GRID2: variants seen among roughly 807,000 people sequenced by gnomAD.
The protein encoded by GRID2 is glutamate receptor ionotropic, delta-2.
A neutral mutation model predicts 114.8 loss-of-function variants in GRID2; 33 were observed. The ratio of observed to expected loss-of-function variants is 0.29; its 90% CI spans 0.22 to 0.38. GRID2 has a LOEUF of 0.38. GRID2 is among the 10% of genes least tolerant of loss of function. The probability of loss-of-function intolerance (pLI) is 1.00; values close to 1 mark genes in which losing one functional copy is unlikely to be tolerated. For synonymous variants in GRID2, 505 were observed against 449.9 expected (o/e 1.12, Z -1.55); for missense variants, 1,184 against 1,257.7 (o/e 0.94, Z 0.89).
chr4:93,173,291 C>T (rs1471927117), intron 4 of GRID2, among the ~76,000 whole-genome samples: 2 of 152,016 alleles, frequency 1.3e-5, no homozygotes, highest in Non-Finnish European at 2.9e-5. Context: ...CATTTTTAAG[C>T]ACCATTTTTA....
chr4:93,134,685 A>T (rs114181999), intron 4 of GRID2, among the ~76,000 whole-genome samples: 4,384 of 152,214 alleles, frequency 0.029, 80 homozygotes, highest in Middle Eastern at 0.085. Context: ...CATTTTAATG[A>T]AAATTAAAAT....
In GRID2 at chr4:93,772,756, TC is replaced by T. The variant is rs1734210892; in HGVS notation, c.*260del. On this transcript the variant is annotated 3_prime_UTR_variant, in exon 16 of 16. Transcript: ENST00000282020. ...TCCCCAAGAAGGTAGTGTACTAGGA[TC>T]CTATTAGTCTGCTTTTCATATACTG... 1 of 451,190 alleles carries T rather than the reference TC, an allele frequency of 2.2e-6. No homozygotes were observed. The highest frequency in any genetic ancestry group is 3.9e-6 in the Non-Finnish European group (1 of 256,104). The allele number at this position is 451,190 out of a possible 1,614,324, so 27.9% of individuals were successfully genotyped here. A position where few individuals can be genotyped will look rare whatever the true frequency, so the allele number is the denominator to read the frequency against.
intron 2 of GRID2, among the ~76,000 whole-genome samples, chr4:93,004,501 T>A (rs550039946): frequency 6.6e-6 from 1 of 152,120 alleles, no homozygotes; most frequent in Non-Finnish European, 1.5e-5. Context: ...CCTGCAATTA[T>A]CCCCCTACAA....
Position 93,417,417 on chromosome 4 carries a change from A to T in GRID2, c.1348-5354A>T, listed in dbSNP as rs929431066. Reference sequence around the variant, plus strand: ...GTTTACATATTTTTATCCTTATTTGATATCGCAATATAACATGTATACAGA... The same window carrying T: ...GTTTACATATTTTTATCCTTATTTGTTATCGCAATATAACATGTATACAGA... On this transcript the variant is annotated intron_variant, in intron 9 of 15. Coordinates refer to ENST00000282020, the MANE Select transcript of GRID2 (RefSeq NM_001510.4). Among the ~76,000 whole-genome samples the T allele has an allele frequency of 2.6e-5, 4 of 152,026 alleles. No homozygotes were observed. In the East Asian group the frequency reaches 7.7e-4, roughly 29 times the overall value.
At chr4:93,083,284 A>G (rs1730036487) in intron 2 of GRID2, among the ~76,000 whole-genome samples, 1 of 152,168 alleles carries the variant, frequency 6.6e-6, no homozygotes, top group South Asian at 2.1e-4. Context: ...TTTTGCATTA[A>G]TTCATTGAAA....
chr4:92,555,194 A>G (rs561469857), intron 1 of GRID2, among the ~76,000 whole-genome samples: 1 of 152,150 alleles, frequency 6.6e-6, no homozygotes, highest in African/African-American at 2.4e-5. Flanking sequence ...TATGGAAGGC[A>G]GTTTCCCTCA....
chr4:92,656,026 T>C (rs1182320179), intron 2 of GRID2, among the ~76,000 whole-genome samples: 2 of 151,772 alleles, frequency 1.3e-5, no homozygotes, highest in African/African-American at 4.8e-5. Flanking sequence ...CTTTATTATT[T>C]TGAGATGTGG....
intron 10 of GRID2, among the ~76,000 whole-genome samples, chr4:93,453,612 T>C (rs1488627813): frequency 6.6e-6 from 1 of 152,132 alleles, no homozygotes; most frequent in African/African-American, 2.4e-5. Flanking sequence ...CACTTCGTGA[T>C]ATTTAAAGGT....
intron 2 of GRID2, among the ~76,000 whole-genome samples, chr4:92,599,401 C>CT (rs1226193100): frequency 6.6e-6 from 1 of 152,132 alleles, no homozygotes; most frequent in African/African-American, 2.4e-5. Flanking sequence ...AAGCTTTATG[C>CT]TTTGAAAGAT....
chr4:92,404,097 G>A (rs1018640201), intron 1 of GRID2, among the ~76,000 whole-genome samples: 1 of 152,122 alleles, frequency 6.6e-6, no homozygotes, highest in Non-Finnish European at 1.5e-5. Flanking sequence ...TGGAAAAATG[G>A]CATCGATAGA....
At chr4:92,841,104 G>A (rs1475536955) in intron 2 of GRID2, among the ~76,000 whole-genome samples, 1 of 151,968 alleles carries the variant, frequency 6.6e-6, no homozygotes. Flanking sequence ...GATCTTCCTA[G>A]TAACTCCTCT....
At chr4:93,610,861 A>G (rs1192140963) in intron 13 of GRID2, among the ~76,000 whole-genome samples, 2 of 134,706 alleles carry the variant, frequency 1.5e-5, no homozygotes, top group East Asian at 2.1e-4. Context: ...CTCTTTTTCT[A>G]TTGATTGGAA....
intron 8 of GRID2, among the ~76,000 whole-genome samples, chr4:93,294,163 G>A (rs997263343): frequency 2.0e-4 from 31 of 151,250 alleles, no homozygotes; most frequent in Admixed American, 4.6e-4. Context: ...AGCAGAGGAG[G>A]GATCAATAAA....
chr4:92,521,682 T>C (rs138794230), intron 1 of GRID2, among the ~76,000 whole-genome samples: 24 of 152,024 alleles, frequency 1.6e-4, no homozygotes, highest in Non-Finnish European at 2.9e-4. Flanking sequence ...TAAACCAGCA[T>C]GATAAGAGTG....
intron 1 of GRID2, among the ~76,000 whole-genome samples, chr4:92,421,581 G>T (rs1341965809): frequency 1.3e-5 from 2 of 152,132 alleles, no homozygotes; most frequent in African/African-American, 2.4e-5. Flanking sequence ...GAGTCTGGTA[G>T]TGGGTCCAAG....
intron 2 of GRID2, among the ~76,000 whole-genome samples, chr4:92,717,902 T>C (rs1200286883): frequency 1.3e-5 from 2 of 152,042 alleles, no homozygotes; most frequent in Non-Finnish European, 2.9e-5. Context: ...ACAAATGACA[T>C]AGATAATTTA....
At chr4:92,810,118 C>G (rs969573089) in intron 2 of GRID2, among the ~76,000 whole-genome samples, 2 of 151,874 alleles carry the variant, frequency 1.3e-5, no homozygotes, top group African/African-American at 4.8e-5. Flanking sequence ...TAATTTATAT[C>G]ATCTAATATT....
At chr4:93,089,230 G>T (rs890183511) in intron 3 of GRID2, among the ~76,000 whole-genome samples, 1 of 152,090 alleles carries the variant, frequency 6.6e-6, no homozygotes, top group Non-Finnish European at 1.5e-5. Flanking sequence ...AACAGATTGT[G>T]AAATAAAAAG....
At chr4:93,290,789 T>C (rs1279855890) in intron 8 of GRID2, among the ~76,000 whole-genome samples, 1 of 152,086 alleles carries the variant, frequency 6.6e-6, no homozygotes, top group Non-Finnish European at 1.5e-5. Context: ...TATTCTGTGT[T>C]TTGCAATTCT....
Sources: allele counts gnomAD v4.1 joint callset (sites outside exome capture counted in the v4.1 genomes callset), GRCh38; gene constraint gnomAD v4.1.1; transcripts MANE v1.5; gene names NCBI Gene and HGNC (gene_info 2026-07-23, HGNC 2026-07-21).